The following DCLRE1C variants were observed in gnomAD, a reference collection of about 807,000 sequenced individuals.
DCLRE1C encodes protein artemis.
DCLRE1C carries 47 observed loss-of-function variants against 61.4 expected under a neutral mutation model. The ratio of observed to expected loss-of-function variants is 0.77; its 90% CI spans 0.61 to 0.98. DCLRE1C has a LOEUF of 0.98. Ranked by LOEUF, DCLRE1C falls within the 50% of genes least tolerant of loss-of-function variation. The pLI is 0.00. For synonymous variants in DCLRE1C, 337 were observed against 287.6 expected, an observed-to-expected ratio of 1.17 and a Z score of -1.74; for missense variants, 858 against 816.0, an observed-to-expected ratio of 1.05 and a Z score of -0.63.
At chr10:14,951,330 CAGTGAGCCG>C (rs1439711414) in intron 1 of DCLRE1C, among the ~76,000 whole-genome samples, 1 of 131,352 alleles carries the variant, frequency 7.6e-6, no homozygotes, top group Non-Finnish European at 1.5e-5. Context: ...GTGAAGGCTG[CAGTGAGCCG>C]AGATCGCACC....
At chr10:14,933,554 T>G (rs1156352920) in intron 8 of DCLRE1C, among the ~76,000 whole-genome samples, 1 of 151,934 alleles carries the variant, frequency 6.6e-6, no homozygotes, top group African/African-American at 2.4e-5. Context: ...AGAGAATCAC[T>G]TGAACCCAGG....
chr10:14,905,333 G>C lies in DCLRE1C; in HGVS notation c.*3075C>G, dbSNP rs184779893. ...GGATGAATACTTCAGAAATTTTTGA[G>C]CATTGTCACTCACCAGGTACGTAAA... On this transcript the variant is annotated 3_prime_UTR_variant, in exon 14 of 14. Transcript: ENST00000378278. 1.3e-3 allele frequency among the ~76,000 whole-genome samples: 195 copies of C among 152,334 alleles called. 1 individual carries two copies. The highest frequency in any genetic ancestry group is 2.2e-3 in the African/African-American group (91 of 41,582).
At chr10:14,951,389 CAAAAAAAAAAAAAAAAA>C (rs60272216) in intron 1 of DCLRE1C, among the ~76,000 whole-genome samples, 7 of 46,036 alleles carry the variant, frequency 1.5e-4, no homozygotes, top group Admixed American at 3.8e-4. Context: ...AACCCTGTCT[CAAAAAAAAAAAAAAAAA>C]AAAAAAAAAA....
chr10:14,910,778 A>AGC (rs550825373), intron 13 of DCLRE1C, among the ~76,000 whole-genome samples: 9,980 of 134,800 alleles, frequency 0.074, 496 homozygotes, highest in South Asian at 0.25. Flanking sequence ...AAGATGGAGT[A>AGC]ACGGACTAGA....
chr10:14,908,096 C>T lies in DCLRE1C; in HGVS notation c.*312G>A. 3.2e-6 allele frequency: 1 copy of T among 312,194 alleles called. No homozygotes were observed. The highest frequency in any genetic ancestry group is 3.5e-5 in the South Asian group (1 of 28,948). 19.3% of individuals were successfully genotyped at this position (312,194 alleles called of 1,614,324 possible). A position where few individuals can be genotyped will look rare whatever the true frequency, so the allele number is the denominator to read the frequency against. ...GGTGCAGTGGCACAGTCATGGCTCA[C>T]TGCAGCCTCAATCTCCTGGGCTCAA... On this transcript the variant is annotated 3_prime_UTR_variant, in exon 14 of 14. Coordinates refer to ENST00000378278, the MANE Select transcript of DCLRE1C (RefSeq NM_001033855.3).
Position 14,908,276 on chromosome 10 carries a change from C to CAAG in DCLRE1C, c.*129_*131dup. On this transcript the variant is annotated 3_prime_UTR_variant, in exon 14 of 14. Transcript: ENST00000378278. ...TGCCCACCTCAAAGTGCTGGGATTA[C>CAAG]AAGTGTGAGCCACCACACCCAACCA... 1.5e-6 allele frequency: 1 copy of CAAG among 677,524 alleles called. No homozygotes were observed. Among genetic ancestry groups the CAAG allele is most frequent in the Non-Finnish European group, 2.5e-6 (1 of 405,400 alleles). The allele number at this position is 677,524 out of a possible 1,614,324, so 42.0% of individuals were successfully genotyped here.
intron 11 of DCLRE1C, among the ~76,000 whole-genome samples, chr10:14,925,301 A>G (rs2130814092): frequency 6.6e-6 from 1 of 152,096 alleles, no homozygotes; most frequent in African/African-American, 2.4e-5. Context: ...CAGAGATGAA[A>G]TGGCCCCAAG....
chr10:14,910,017 A>G (rs1348331269), intron 13 of DCLRE1C, among the ~76,000 whole-genome samples: 1 of 152,240 alleles, frequency 6.6e-6, no homozygotes, highest in Admixed American at 6.5e-5. Flanking sequence ...TATCTAACCT[A>G]GGAAGAAAGT....
At chr10:14,915,536 A>G (rs372055879) in intron 13 of DCLRE1C, among the ~76,000 whole-genome samples, 15 of 152,148 alleles carry the variant, frequency 9.9e-5, no homozygotes, top group African/African-American at 3.4e-4. Context: ...AGCAACATGG[A>G]TAAGACAAAT....
chr10:14,923,111 G>GAA lies in DCLRE1C; in HGVS notation c.973-44_973-43dup, dbSNP rs770622731. 4.1e-6 allele frequency: 6 copies of GAA among 1,461,032 alleles called. No individual in the cohort carries two copies. In the Admixed American group the frequency reaches 1.0e-4, roughly 25 times the overall value. The allele number at this position is 1,461,032 out of a possible 1,614,324, so 90.5% of individuals were successfully genotyped here. A position where few individuals can be genotyped will look rare whatever the true frequency, so the allele number is the denominator to read the frequency against. ...CACATGGATCAACAATCTCTACGAT[G>GAA]AAACAGGTTGTTAGGGGAGATAAAG... On this transcript the variant is annotated intron_variant, in intron 11 of 13. Transcript: ENST00000378278.
downstream of DCLRE1C, among the ~76,000 whole-genome samples, chr10:14,901,839 CTATA>C (rs202225644): frequency 0.072 from 10,969 of 151,908 alleles, 487 homozygotes; most frequent in South Asian, 0.21. Context: ...AAAAAAAAAA[CTATA>C]AGCCTACATT....
At position 14,938,401 on chromosome 10, in the gene DCLRE1C, T is replaced by A. The variant is rs148584972; in HGVS notation, c.306+1409A>T. On this transcript the variant is annotated intron_variant, in intron 4 of 13. Coordinates refer to ENST00000378278, the MANE Select transcript of DCLRE1C (RefSeq NM_001033855.3). Reference sequence around the variant, plus strand: ...CTGGCTCTGTAGTCCTCCCTCAGGATAATTTGATGGGAAGAATACTTCAAC... The same window carrying A: ...CTGGCTCTGTAGTCCTCCCTCAGGAAAATTTGATGGGAAGAATACTTCAAC... Among the ~76,000 whole-genome samples, 988 of 152,256 alleles carry A rather than the reference T, an allele frequency of 6.5e-3. 23 individuals are homozygous for A. The highest frequency in any genetic ancestry group is 0.049 in the Admixed American group (747 of 15,278).
rs1368328085 is a variant in DCLRE1C at position 14,907,215 on chromosome 10, T to G, written c.*1193A>C. On this transcript the variant is annotated 3_prime_UTR_variant, in exon 14 of 14. Coordinates refer to ENST00000378278, the MANE Select transcript of DCLRE1C (RefSeq NM_001033855.3). ...TCCGCTTCTAATTTGGCCACCGTATTCACATCAAGGTTAAGTGACTTAACA... is the reference window on the plus strand; with the variant it reads ...TCCGCTTCTAATTTGGCCACCGTATGCACATCAAGGTTAAGTGACTTAACA... 6.6e-6 allele frequency among the ~76,000 whole-genome samples: 1 copy of G among 151,562 alleles called. No individual in the cohort carries two copies. The highest frequency in any genetic ancestry group is 1.5e-5 in the Non-Finnish European group (1 of 67,960).
In DCLRE1C at chr10:14,936,610, G is replaced by C. The variant is rs1393086602; in HGVS notation, c.307-17C>G. On this transcript the variant is annotated splice_polypyrimidine_tract_variant and intron_variant, in intron 4 of 13. Transcript: ENST00000378278. ...CTCTTCCTTCTAAAAAGAAAATAAAGAAAAAATAGTAATGGAAAGCAGTTA... is the reference window on the plus strand; with the variant it reads ...CTCTTCCTTCTAAAAAGAAAATAAACAAAAAATAGTAATGGAAAGCAGTTA... 3.1e-6 allele frequency: 5 copies of C among 1,597,652 alleles called. No individual in the cohort carries two copies. The South Asian group carries it at 3.3e-5, about 11-fold the overall frequency.
chr10:14,922,309 C>T lies in DCLRE1C; in HGVS notation c.1061+672G>A, dbSNP rs41299672. Among the ~76,000 whole-genome samples the T allele has an allele frequency of 7.1e-3, 1,087 of 152,104 alleles. 17 individuals carry two copies. Among genetic ancestry groups the T allele is most frequent in the African/African-American group, 0.025 (1,016 of 41,460 alleles). ...TACAAAAATTAGCCGGGCATGATGG[C>T]ATGCACCTGTAGTCACAGCTACTCG... On this transcript the variant is annotated intron_variant, in intron 12 of 13. Transcript: ENST00000378278.
chr10:14,916,667 G>A, intron 13 of DCLRE1C, among the ~76,000 whole-genome samples: 1 of 152,158 alleles, frequency 6.6e-6, no homozygotes, highest in East Asian at 1.9e-4. Context: ...AATACCATGT[G>A]CAACAGTATC....
At chr10:14,937,253 TC>T (rs1312545005) in intron 4 of DCLRE1C, among the ~76,000 whole-genome samples, 1 of 151,308 alleles carries the variant, frequency 6.6e-6, no homozygotes, top group Non-Finnish European at 1.5e-5. Flanking sequence ...AGTGTGTGAC[TC>T]GATTTCTATC....
intron 8 of DCLRE1C, among the ~76,000 whole-genome samples, chr10:14,934,102 C>T (rs1387533741): frequency 1.3e-5 from 2 of 151,848 alleles, no homozygotes; most frequent in Admixed American, 1.3e-4. Context: ...CCGAGGCAGG[C>T]AGATAGCTTG....
intron 2 of DCLRE1C, 165 bp from the exon 3 acceptor site, chr10:14,945,354 T>C (rs1841516628): frequency 7.3e-7 from 1 of 1,378,176 alleles, no homozygotes; most frequent in Non-Finnish European, 9.4e-7. Context: ...CCTGGCATGG[T>C]TATGAAATCT....
Sources: gnomAD v4.1 joint callset for allele counts (sites outside exome capture counted in the v4.1 genomes callset) on GRCh38, gnomAD v4.1.1 for gene constraint, MANE v1.5 for transcripts, NCBI Gene and HGNC (gene_info 2026-07-23, HGNC 2026-07-21) for gene names.